The following SRGAP1 variants were observed in gnomAD, a reference collection of about 807,000 sequenced individuals.
SRGAP1 encodes the protein SLIT-ROBO Rho GTPase activating protein 1, also known as SLIT-ROBO Rho GTPase-activating protein 1.
In SRGAP1, 43 loss-of-function variants were observed where a neutral mutation model predicts 121.9. The ratio of observed to expected loss-of-function variants is 0.35; its 90% CI spans 0.28 to 0.46. SRGAP1 has a LOEUF of 0.46. Ranked by LOEUF, SRGAP1 falls within the 20% of genes least tolerant of loss-of-function variation. The pLI is 1.00. For missense variants in SRGAP1, 1,102 were observed against 1,350.9 expected, an observed-to-expected ratio of 0.82 and a Z score of 2.89; for synonymous variants, 447 against 485.4, an observed-to-expected ratio of 0.92 and a Z score of 1.04.
chr12:64,110,846 AAAGT>A (rs1486939200), intron 16 of SRGAP1, among the ~76,000 whole-genome samples: 1 of 152,218 alleles, frequency 6.6e-6, no homozygotes, highest in African/African-American at 2.4e-5. Context: ...AAAAAAGGGT[AAAGT>A]ATCATGTCAT....
At chr12:64,022,120 G>A (rs982308579) in intron 4 of SRGAP1, among the ~76,000 whole-genome samples, 1 of 152,136 alleles carries the variant, frequency 6.6e-6, no homozygotes. Context: ...ACCTGTATTA[G>A]TCTGAGTTCT....
chr12:63,893,947 T>A (rs1198636617), intron 1 of SRGAP1, among the ~76,000 whole-genome samples: 2 of 152,222 alleles, frequency 1.3e-5, no homozygotes, highest in African/African-American at 4.8e-5. Context: ...CAAGTGATTC[T>A]CCTGCCTCGG....
At chr12:63,940,804 A>G (rs2136349983) in intron 1 of SRGAP1, among the ~76,000 whole-genome samples, 1 of 152,318 alleles carries the variant, frequency 6.6e-6, no homozygotes, top group South Asian at 2.1e-4. Flanking sequence ...GTGACCAGAA[A>G]GGCTCACAAG....
chr12:63,959,749 C>A (rs1159441016), intron 1 of SRGAP1, among the ~76,000 whole-genome samples: 1 of 152,150 alleles, frequency 6.6e-6, no homozygotes, highest in African/African-American at 2.4e-5. Context: ...TTAACCCTTA[C>A]AACAACCATA....
chr12:63,900,549 A>G (rs1261479349), intron 1 of SRGAP1, among the ~76,000 whole-genome samples: 2 of 152,072 alleles, frequency 1.3e-5, no homozygotes, highest in East Asian at 2.0e-4. Context: ...TTGGTGGCTC[A>G]CACCTGTAAT....
rs746004575 is a variant in SRGAP1 at position 64,157,456 on chromosome 12, C to T, written c.*14784C>T. Reference sequence around the variant, plus strand: ...CCACACTGGAAATGGGATAGAATATCGTATAGCTATGAGAATTGCAAATAA... The same window carrying T: ...CCACACTGGAAATGGGATAGAATATTGTATAGCTATGAGAATTGCAAATAA... On this transcript the variant is annotated 3_prime_UTR_variant, in exon 22 of 22. Coordinates refer to ENST00000355086, the MANE Select transcript of SRGAP1 (RefSeq NM_020762.4). 1.3e-5 allele frequency: 2 copies of T among 151,730 alleles called. No homozygotes were observed. The highest frequency in any genetic ancestry group is 1.5e-5 in the Non-Finnish European group (1 of 67,946). The allele number at this position is 151,730 out of a possible 1,614,324, so 9.4% of individuals were successfully genotyped here.
intron 1 of SRGAP1, among the ~76,000 whole-genome samples, chr12:63,906,804 T>A (rs2136312247): frequency 6.6e-6 from 1 of 152,280 alleles, no homozygotes; most frequent in Middle Eastern, 3.4e-3. Context: ...ATTTGAGAAA[T>A]ACTGTTTAGG....
At chr12:64,139,076 G>T (rs987395088) in intron 21 of SRGAP1, among the ~76,000 whole-genome samples, 1 of 152,162 alleles carries the variant, frequency 6.6e-6, no homozygotes, top group Non-Finnish European at 1.5e-5. Flanking sequence ...TAAATGTCTG[G>T]AGGACATTCA....
chr12:63,930,378 A>AT (rs1028803069), intron 1 of SRGAP1, among the ~76,000 whole-genome samples: 4 of 148,778 alleles, frequency 2.7e-5, no homozygotes, highest in Admixed American at 6.7e-5. Flanking sequence ...TATTCAAATC[A>AT]TTTTTTTTCT....
intron 12 of SRGAP1, among the ~76,000 whole-genome samples, chr12:64,093,647 C>T (rs1567765): frequency 0.18 from 27,837 of 152,024 alleles, 3,367 homozygotes; most frequent in East Asian, 0.56. Context: ...AATTACATTG[C>T]TGTTCCTGAG....
intron 1 of SRGAP1, among the ~76,000 whole-genome samples, chr12:63,919,499 C>CATAT (rs10570691): frequency 0.013 from 1,728 of 134,166 alleles, 50 homozygotes; most frequent in African/African-American, 0.026. Flanking sequence ...CTTAACATTA[C>CATAT]ATATATATAT....
rs1020323367 is a variant in SRGAP1, at chr12:64,080,640, G to T, written c.1408+270G>T. 1.4e-5 allele frequency: 7 copies of T among 504,510 alleles called. 1 individual carries two copies. The highest frequency in any genetic ancestry group is 1.2e-4 in the African/African-American group (6 of 51,860). 31.3% of individuals were successfully genotyped at this position (504,510 alleles called of 1,614,324 possible). A position where few individuals can be genotyped will look rare whatever the true frequency, so the allele number is the denominator to read the frequency against. ...CCTAGGGAGGGATCTTCAGAGTGTG[G>T]TGCTCCTGATCGTAGAAAAGTCTGG... On this transcript the variant is annotated intron_variant, in intron 10 of 21. Transcript: ENST00000355086.
intron 6 of SRGAP1, among the ~76,000 whole-genome samples, chr12:64,050,660 C>T (rs2035220401): frequency 6.6e-6 from 1 of 152,152 alleles, no homozygotes; most frequent in Non-Finnish European, 1.5e-5. Context: ...TTTAGGATTA[C>T]ACATTATGTC....
At chr12:64,133,443 C>T (rs950131347) in intron 21 of SRGAP1, among the ~76,000 whole-genome samples, 2 of 152,184 alleles carry the variant, frequency 1.3e-5, no homozygotes, top group Non-Finnish European at 2.9e-5. Context: ...TACCTGACCT[C>T]CACAAGCCAC....
chr12:63,856,386 A>G (rs1313040051), intron 1 of SRGAP1, among the ~76,000 whole-genome samples: 1 of 151,904 alleles, frequency 6.6e-6, no homozygotes, highest in Non-Finnish European at 1.5e-5. Context: ...ATCCTTCCCC[A>G]CTCTAAAGTC....
intron 18 of SRGAP1, among the ~76,000 whole-genome samples, chr12:64,120,687 A>C (rs528048794): frequency 6.6e-6 from 1 of 152,252 alleles, no homozygotes; most frequent in Admixed American, 6.5e-5. Flanking sequence ...GGAGGGGAAG[A>C]GGCTTAGATT....
intron 16 of SRGAP1, among the ~76,000 whole-genome samples, chr12:64,110,421 C>T (rs777748234): frequency 2.1e-3 from 323 of 152,328 alleles, no homozygotes; most frequent in Non-Finnish European, 3.7e-3. Context: ...AGTGGTTCTA[C>T]CCAGAGGCCC....
intron 1 of SRGAP1, among the ~76,000 whole-genome samples, chr12:63,949,256 A>G (rs1330794364): frequency 6.9e-6 from 1 of 145,414 alleles, no homozygotes; most frequent in Non-Finnish European, 1.5e-5. Context: ...TATCTCTGGT[A>G]CAAATGAAGA....
At chr12:64,111,659 GTTGAAGTATCTTATTAAAGTA>G in intron 16 of SRGAP1, 82 bp from the exon 17 acceptor site, 1 of 1,015,378 alleles carries the variant, frequency 9.8e-7, no homozygotes, top group South Asian at 2.1e-5. Flanking sequence ...CCAACTTAAA[GTTGAAGTATCTTATTAAAGTA>G]TTGAAGTATC....
Sources: allele counts gnomAD v4.1 joint callset (sites outside exome capture counted in the v4.1 genomes callset), GRCh38; gene constraint gnomAD v4.1.1; transcripts MANE v1.5; gene names NCBI Gene and HGNC (gene_info 2026-07-23, HGNC 2026-07-21).